Variants in C1orf174 observed in about 807,000 individuals in gnomAD.
C1orf174 encodes the protein chromosome 1 open reading frame 174.
A neutral mutation model predicts 18.4 loss-of-function variants in C1orf174; 13 were observed. That is an observed-to-expected ratio of 0.71 (90% CI 0.46 to 1.12). The LOEUF (loss-of-function observed/expected upper bound fraction) is 1.12. C1orf174 is among the 50% of genes most tolerant of loss of function. C1orf174 has a pLI of 0.00. For synonymous variants in C1orf174, 100 were observed against 118.3 expected, an observed-to-expected ratio of 0.85 and a Z score of 1.01; for missense variants, 309 against 308.0, an observed-to-expected ratio of 1.00 and a Z score of -0.02.
At chr1:3,897,484 GA>G (rs753214148) in intron 1 of C1orf174, among the ~76,000 whole-genome samples, 9 of 151,982 alleles carry the variant, frequency 5.9e-5, no homozygotes, top group Non-Finnish European at 1.3e-4. Context: ...AGAACACAGA[GA>G]AAAAAAGAAC....
chr1:3,890,421 T>A, intron 3 of C1orf174, 148 bp downstream of exon 3: 1 of 1,172,488 alleles, frequency 8.5e-7, no homozygotes, highest in Non-Finnish European at 1.2e-6. Flanking sequence ...TAGCCAACGG[T>A]TTCATTTTCT....
At position 3,890,783 on chromosome 1, in the gene C1orf174, G is replaced by GT; in HGVS notation, c.403dup (p.Thr135AsnfsTer2). 1 of 1,613,934 alleles carries GT rather than the reference G, an allele frequency of 6.2e-7. No homozygotes were observed. The highest frequency in any genetic ancestry group is 8.5e-7 in the Non-Finnish European group (1 of 1,180,024). On this transcript the variant is annotated frameshift_variant, in exon 3 of 4. Coordinates refer to ENST00000361605, the MANE Select transcript of C1orf174 (RefSeq NM_207356.3). LOFTEE classifies it high-confidence loss of function. ...TTTTGGCACGGACAGGCCATCTCTA[G>GT]TCTTTGCTAAGCGAGAGTCACTCAC...
intron 1 of C1orf174, among the ~76,000 whole-genome samples, chr1:3,899,424 G>A (rs915271767): frequency 6.6e-6 from 1 of 152,060 alleles, no homozygotes; most frequent in Non-Finnish European, 1.5e-5. Context: ...GACCCGCGCC[G>A]GGTCCACTGT....
chr1:3,896,865 G>A (rs1365074031), intron 1 of C1orf174, among the ~76,000 whole-genome samples: 1 of 152,186 alleles, frequency 6.6e-6, no homozygotes, highest in African/African-American at 2.4e-5. Flanking sequence ...AAGTTCAACA[G>A]CTGGATGTGG....
intron 2 of C1orf174, 25 bp downstream of exon 2, chr1:3,892,858 C>T (rs746568278): frequency 8.1e-6 from 13 of 1,610,762 alleles, no homozygotes; most frequent in Admixed American, 3.4e-5. Context: ...AGGATCTTGG[C>T]GTTCTCCACG....
At chr1:3,898,452 G>C (rs530954154) in intron 1 of C1orf174, among the ~76,000 whole-genome samples, 1 of 151,470 alleles carries the variant, frequency 6.6e-6, no homozygotes, top group Non-Finnish European at 1.5e-5. Flanking sequence ...AGGTTGCAGT[G>C]GGCCGAGATC....
chr1:3,891,602 C>A lies in C1orf174; in HGVS notation c.130-545G>T, dbSNP rs904504227. 7.1e-6 allele frequency: 7 copies of A among 986,466 alleles called. No homozygotes were observed. In the South Asian group the frequency reaches 2.8e-4, roughly 40 times the overall value. The allele number at this position is 986,466 out of a possible 1,614,324, so 61.1% of individuals were successfully genotyped here. A position where few individuals can be genotyped will look rare whatever the true frequency, so the allele number is the denominator to read the frequency against. ...CAAGTCCTAACCCCTCAACTGTAGG[C>A]TCCGTGAAGCGGCTCTACTTCACCG... On this transcript the variant is annotated intron_variant, in intron 2 of 3. Transcript: ENST00000361605.
rs77400504 is a variant in C1orf174 at position 3,894,012 on chromosome 1, G to A, written c.16-1016C>T. On this transcript the variant is annotated intron_variant, in intron 1 of 3. Transcript: ENST00000361605. ...AACATTAAGAAATTAGTGACATTAC[G>A]GTACTCTTCACTAAACTATAGATTT... 3.6e-3 allele frequency among the ~76,000 whole-genome samples: 545 copies of A among 152,280 alleles called. 2 individuals carry two copies. The highest frequency in any genetic ancestry group is 0.023 in the East Asian group (117 of 5,192).
intron 1 of C1orf174, among the ~76,000 whole-genome samples, chr1:3,894,881 C>T (rs1424818862): frequency 6.6e-6 from 1 of 152,224 alleles, no homozygotes; most frequent in Non-Finnish European, 1.5e-5. Context: ...CTCACAAGGG[C>T]AGGGCTTTGC....
chr1:3,891,497 A>C, intron 2 of C1orf174: 1 of 688,814 alleles, frequency 1.5e-6, no homozygotes, highest in Non-Finnish European at 1.8e-6. Flanking sequence ...CTCAAGAAAT[A>C]TTTGTGAAAT....
Position 3,890,577 on chromosome 1 carries a change from G to A in C1orf174, c.610C>T (p.Leu204Phe). ...GAAGGCGCCGCTCTTACCTGCATGA[G>A]CTCAACGTTTCCAAAGAACCGGCTC... is the stretch of plus-strand genomic sequence containing the variant. Reference protein sequence around the residue: ...PVSRFFGNVELMQDLPPASSS... With the variant: ...PVSRFFGNVEFMQDLPPASSS... Residue 204 changes from leucine (L) to phenylalanine (F), a missense_variant, in exon 3 of 4, where the codon CTC (leucine) becomes TTC (phenylalanine). Physicochemically the swap from Leu to Phe is conservative, Grantham distance 22. Transcript: ENST00000361605. The A allele has an allele frequency of 6.2e-7, 1 of 1,613,932 alleles. No homozygotes were observed. Among genetic ancestry groups the A allele is most frequent in the East Asian group, 2.2e-5 (1 of 44,892 alleles).
At chr1:3,896,435 C>G (rs563390579) in intron 1 of C1orf174, among the ~76,000 whole-genome samples, 1 of 152,362 alleles carries the variant, frequency 6.6e-6, no homozygotes, top group South Asian at 2.1e-4. Flanking sequence ...AGCCCCTATT[C>G]AGAGAGGAGC....
In C1orf174 at chr1:3,890,621, C is replaced by T. The variant is rs761764572; in HGVS notation, c.566G>A (p.Ser189Asn). Residue 189 changes from serine to asparagine, a missense_variant, in exon 3 of 4, where the codon AGC becomes AAC. Ser to Asn is a conservative substitution (Grantham distance 46). Coordinates refer to ENST00000361605, the MANE Select transcript of C1orf174 (RefSeq NM_207356.3). ...MDNSVFLDDD[S>N]NQPMPVSRFF... ...CCGGCTCACGGGCATTGGCTGATTGCTGTCGTCATCTAGAAAGACGCTGTT... is the reference window on the plus strand; with the variant it reads ...CCGGCTCACGGGCATTGGCTGATTGTTGTCGTCATCTAGAAAGACGCTGTT... The T allele has an allele frequency of 6.2e-7, 1 of 1,614,144 alleles. No homozygotes were observed. Among genetic ancestry groups the T allele is most frequent in the South Asian group, 1.1e-5 (1 of 91,078 alleles).
chr1:3,899,905 C>T (rs1476864491), intron 1 of C1orf174, among the ~76,000 whole-genome samples: 2 of 151,954 alleles, frequency 1.3e-5, no homozygotes, highest in African/African-American at 4.8e-5. Context: ...ACCTGGGAGC[C>T]CCCTTCTCCC....
intron 1 of C1orf174, chr1:3,896,218 G>T (rs1638603214): frequency 1.3e-5 from 2 of 152,738 alleles, no homozygotes; most frequent in African/African-American, 2.4e-5. Flanking sequence ...GGATTGAGAA[G>T]AGGGGCCCTC....
chr1:3,890,180 C>T, intron 3 of C1orf174, 107 bp from the exon 4 acceptor site: 1 of 843,328 alleles, frequency 1.2e-6, no homozygotes, highest in Non-Finnish European at 1.9e-6. Flanking sequence ...GCGCTCTTCC[C>T]TTTTAGACGT....
Position 3,900,199 on chromosome 1 carries a change from C to T in C1orf174, c.-13G>A. On this transcript the variant is annotated 5_prime_UTR_variant, in exon 1 of 4. Coordinates refer to ENST00000361605, the MANE Select transcript of C1orf174 (RefSeq NM_207356.3). ...TCCGGCTCCTCATGAGTGTGAGCAC[C>T]GCAGCCAAGCACCGCGCGCCCCGGC... 2.5e-6 allele frequency: 4 copies of T among 1,581,028 alleles called. No individual in the cohort carries two copies. Among genetic ancestry groups the T allele is most frequent in the Non-Finnish European group, 3.4e-6 (4 of 1,172,856 alleles).
At position 3,892,983 on chromosome 1, in the gene C1orf174, A is replaced by G; in HGVS notation, c.29T>C (p.Val10Ala). MRSRKLTGAVRSSARLKARS... is the reference protein window; with the variant it reads MRSRKLTGAARSSARLKARS... ...TGCTTTCAAGCGCGCTGAAGACCGC[A>G]CTGCACCTGTGAGCTAGAGAGATTG... is the stretch of plus-strand genomic sequence containing the variant. Residue 10 changes from valine to alanine, a missense_variant, in exon 2 of 4, where the codon GTG (valine) becomes GCG (alanine). By Grantham distance (64) the Val-to-Ala change is moderately conservative (BLOSUM62 0). Transcript: ENST00000361605. 2 of 1,613,884 alleles carry G rather than the reference A, an allele frequency of 1.2e-6. No homozygotes were observed. Among genetic ancestry groups the G allele is most frequent in the South Asian group, 2.2e-5 (2 of 91,038 alleles).
intron 1 of C1orf174, among the ~76,000 whole-genome samples, chr1:3,894,140 T>C (rs1227693586): frequency 6.6e-6 from 1 of 151,928 alleles, no homozygotes; most frequent in African/African-American, 2.4e-5. Flanking sequence ...TGAGTGTGAG[T>C]AGTAGAAGCA....
Sources: allele counts gnomAD v4.1 joint callset (sites outside exome capture counted in the v4.1 genomes callset), GRCh38; gene constraint gnomAD v4.1.1; transcripts MANE v1.5; gene names NCBI Gene and HGNC (gene_info 2026-07-23, HGNC 2026-07-21).